PCDH15: variants seen among roughly 807,000 people sequenced by gnomAD.
PCDH15 encodes protocadherin-15.
Under a neutral mutation model 178.5 loss-of-function variants are expected in PCDH15, and 129 were observed. The observed-to-expected ratio is 0.72, with a 90% confidence interval of 0.63 to 0.84. PCDH15 has a LOEUF of 0.84. Among genes scored for constraint, PCDH15 ranks in the 40% least tolerant of loss-of-function variants. The pLI, the probability that PCDH15 is intolerant of heterozygous loss-of-function variation, is 0.00. For synonymous variants in PCDH15, 800 were observed against 732.0 expected, an observed-to-expected ratio of 1.09 and a Z score of -1.50; for missense variants, 2,230 against 2,099.9, an observed-to-expected ratio of 1.06 and a Z score of -1.21.
chr10:54,686,393 T>A (rs1041717419), intron 1 of PCDH15, among the ~76,000 whole-genome samples: 18 of 152,114 alleles, frequency 1.2e-4, no homozygotes, highest in African/African-American at 4.3e-4. Flanking sequence ...AGGAATGCTT[T>A]ACAGAGTTAT....
At chr10:54,938,328 T>C (rs1284119821) in intron 2 of PCDH15, among the ~76,000 whole-genome samples, 3 of 149,124 alleles carry the variant, frequency 2.0e-5, no homozygotes, top group Non-Finnish European at 4.5e-5. Flanking sequence ...TTGATGGATG[T>C]AGTCTGCTAG....
intron 3 of PCDH15, among the ~76,000 whole-genome samples, chr10:54,887,807 G>T (rs1226162256): frequency 2.0e-5 from 3 of 151,976 alleles, no homozygotes; most frequent in African/African-American, 4.8e-5. Flanking sequence ...TATAGGAAAA[G>T]AAAATAAAAC....
At chr10:54,397,630 A>G (rs1049126727) in intron 3 of PCDH15, among the ~76,000 whole-genome samples, 12 of 152,048 alleles carry the variant, frequency 7.9e-5, no homozygotes, top group Non-Finnish European at 1.3e-4. Flanking sequence ...ACAAACATAA[A>G]ATATGAATAT....
At position 55,005,764 on chromosome 10, in the gene PCDH15, C is replaced by CA. The variant is rs940931536; in HGVS notation, c.-79-108265dup. The stretch of plus-strand genomic sequence containing the variant: ...TTCTAAAGCCATAATGATGTAATAA[C>CA]AAAAAAAATAAAGATTTAATAGATA... On this transcript the variant is annotated intron_variant, in intron 2 of 5. Transcript: ENST00000458638. Among the ~76,000 whole-genome samples, 85 of 151,070 alleles carry CA rather than the reference C, an allele frequency of 5.6e-4. 1 individual carries two copies. Among genetic ancestry groups the CA allele is most frequent in the South Asian group, 8.4e-4 (4 of 4,788 alleles).
intron 21 of PCDH15, among the ~76,000 whole-genome samples, chr10:53,963,370 T>C (rs2088576859): frequency 6.6e-6 from 1 of 152,116 alleles, no homozygotes; most frequent in Non-Finnish European, 1.5e-5. Context: ...CTCCTTCCCA[T>C]CTGGTGCTCT....
At chr10:54,164,599 A>G (rs1226209345) in intron 13 of PCDH15, among the ~76,000 whole-genome samples, 1 of 152,238 alleles carries the variant, frequency 6.6e-6, no homozygotes, top group East Asian at 1.9e-4. Context: ...AGTTAAGTGA[A>G]TCTATCTATG....
rs56234985 is a variant in PCDH15 at position 55,225,650 on chromosome 10, T to TGA, written c.-155-59001_-155-59000dup. On this transcript the variant is annotated intron_variant, in intron 1 of 5. Transcript: ENST00000458638. Reference sequence around the variant, plus strand: ...GTGTGTGTGTTTGTGTGTGTGTGTGTGAGAGAGAGAGAGAGAGAGAGAAAC... The same window carrying TGA: ...GTGTGTGTGTTTGTGTGTGTGTGTGTGAGAGAGAGAGAGAGAGAGAGAGAAAC... 5.5e-3 allele frequency among the ~76,000 whole-genome samples: 820 copies of TGA among 147,998 alleles called. 9 individuals carry two copies. The highest frequency in any genetic ancestry group is 0.012 in the African/African-American group (469 of 40,212).
At chr10:54,040,548 A>G (rs1328705085) in intron 18 of PCDH15, among the ~76,000 whole-genome samples, 2 of 152,142 alleles carry the variant, frequency 1.3e-5, no homozygotes, top group East Asian at 1.9e-4. Flanking sequence ...GGGCTAATAC[A>G]TCTATATTCA....
At chr10:54,709,447 T>G (rs950103812) in intron 1 of PCDH15, among the ~76,000 whole-genome samples, 1 of 151,474 alleles carries the variant, frequency 6.6e-6, no homozygotes. Context: ...TTTCTGTAAA[T>G]GAATATGAGG....
intron 2 of PCDH15, among the ~76,000 whole-genome samples, chr10:54,622,569 GTATA>G (rs896266424): frequency 2.6e-5 from 1 of 38,076 alleles, no homozygotes; most frequent in African/African-American, 1.0e-4. Flanking sequence ...TAACCTGTGT[GTATA>G]TATATATATA....
At chr10:54,433,177 T>G (rs2136025894) in intron 3 of PCDH15, among the ~76,000 whole-genome samples, 1 of 152,136 alleles carries the variant, frequency 6.6e-6, no homozygotes, top group African/African-American at 2.4e-5. Context: ...CTCAGAAAAC[T>G]AAAAATAGAG....
intron 3 of PCDH15, among the ~76,000 whole-genome samples, chr10:54,807,558 A>C (rs1212606639): frequency 1.3e-5 from 2 of 151,728 alleles, no homozygotes; most frequent in Admixed American, 6.6e-5. Flanking sequence ...GAGTAAAATA[A>C]AAGGTCAAGC....
intron 1 of PCDH15, among the ~76,000 whole-genome samples, chr10:55,286,845 T>C (rs1174175414): frequency 2.6e-5 from 4 of 152,158 alleles, no homozygotes; most frequent in African/African-American, 9.6e-5. Flanking sequence ...AGTTTTATTA[T>C]ATATTTCTTT....
chr10:54,089,903 G>T, intron 16 of PCDH15, 81 bp downstream of exon 16: 1 of 1,057,558 alleles, frequency 9.5e-7, no homozygotes, highest in African/African-American at 1.6e-5. Context: ...ACAGCTGAAA[G>T]CCTCTGATTA....
At chr10:55,207,033 G>A (rs569227090) in intron 1 of PCDH15, among the ~76,000 whole-genome samples, 58 of 151,728 alleles carry the variant, frequency 3.8e-4, no homozygotes, top group African/African-American at 6.8e-4. Flanking sequence ...ATCAGAATAC[G>A]CATAATATTT....
At chr10:55,385,825 A>G (rs189423247) in intron 2 of PCDH15, among the ~76,000 whole-genome samples, 93 of 149,272 alleles carry the variant, frequency 6.2e-4, no homozygotes, top group African/African-American at 2.2e-3. Flanking sequence ...GCATATATAT[A>G]CGTATATATA....
chr10:54,767,587 C>G (rs1043726305), intron 1 of PCDH15, among the ~76,000 whole-genome samples: 1 of 152,022 alleles, frequency 6.6e-6, no homozygotes, highest in African/African-American at 2.4e-5. Context: ...TCCGACAAGT[C>G]CTATTTCATC....
chr10:54,824,702 T>C (rs1371495854), intron 3 of PCDH15, among the ~76,000 whole-genome samples: 1 of 152,054 alleles, frequency 6.6e-6, no homozygotes, highest in East Asian at 1.9e-4. Context: ...TTTGTTTCCA[T>C]GGAAGACAAA....
At chr10:54,393,172 ACT>A (rs1465962596) in intron 3 of PCDH15, among the ~76,000 whole-genome samples, 1 of 152,062 alleles carries the variant, frequency 6.6e-6, no homozygotes, top group African/African-American at 2.4e-5. Flanking sequence ...CTGTCAACAA[ACT>A]CTGTTCTAAA....
Sources: gnomAD v4.1 joint callset for allele counts (sites outside exome capture counted in the v4.1 genomes callset) on GRCh38, gnomAD v4.1.1 for gene constraint, MANE v1.5 for transcripts, NCBI Gene and HGNC (gene_info 2026-07-23, HGNC 2026-07-21) for gene names.